LINGO2: variants seen among roughly 807,000 people sequenced by gnomAD.
LINGO2 encodes leucine-rich repeat and immunoglobulin-like domain-containing nogo receptor-interacting protein 2.
In LINGO2, 14 loss-of-function variants were observed where a neutral mutation model predicts 30.6. The observed-to-expected ratio is 0.46, with a 90% CI of 0.30 to 0.72. The LOEUF is 0.72. LINGO2 is among the 30% of genes least tolerant of loss of function. The pLI is 0.07. For synonymous variants in LINGO2, 317 were observed against 288.5 expected, an observed-to-expected ratio of 1.10 and a Z score of -1.00; for missense variants, 729 against 751.7, an observed-to-expected ratio of 0.97 and a Z score of 0.35.
intron 1 of LINGO2, among the ~76,000 whole-genome samples, chr9:28,476,432 C>G (rs1322708881): frequency 6.6e-6 from 1 of 152,076 alleles, no homozygotes; most frequent in South Asian, 2.1e-4. Context: ...CCCGCCACCA[C>G]GCCCGGCTAA....
intron 4 of LINGO2, among the ~76,000 whole-genome samples, chr9:28,077,875 A>T (rs1825670750): frequency 6.7e-6 from 1 of 148,954 alleles, no homozygotes; most frequent in Non-Finnish European, 1.5e-5. Flanking sequence ...ATTTTCAGTT[A>T]CTTGTCTTTG....
chr9:28,129,395 T>A lies in LINGO2; in HGVS notation c.-86-116990A>T, dbSNP rs933080526. 1.3e-5 allele frequency among the ~76,000 whole-genome samples: 2 copies of A among 152,190 alleles called. No individual in the cohort carries two copies. Among genetic ancestry groups the A allele is most frequent in the Non-Finnish European group, 2.9e-5 (2 of 68,018 alleles). On this transcript the variant is annotated intron_variant, in intron 4 of 5. Coordinates refer to ENST00000379992, the Ensembl canonical transcript of LINGO2. The surrounding 1 kb of genome is among the most constrained non-coding windows in gnomAD (Gnocchi z 4.0). ...CATAGCTCCTGAGAAGCTGAGGCCCTGACTCATTTTTCTAGCATGGCATTT... is the reference window on the plus strand; with the variant it reads ...CATAGCTCCTGAGAAGCTGAGGCCCAGACTCATTTTTCTAGCATGGCATTT...
At chr9:29,196,657 A>T in the LINGO2 span, among the ~76,000 whole-genome samples, 3 of 152,064 alleles carry the variant, frequency 2.0e-5, no homozygotes, top group African/African-American at 7.2e-5. Flanking sequence ...AAAGAAGCCT[A>T]TAGTCTAATT....
rs545357389 is a variant in LINGO2, at chr9:27,960,387, A to T, written c.-35-9681T>A. 1.7e-4 allele frequency among the ~76,000 whole-genome samples: 26 copies of T among 152,310 alleles called. No homozygotes were observed. The South Asian group carries it at 5.0e-3, about 29-fold the overall frequency. On this transcript the variant is annotated intron_variant, in intron 5 of 5. Coordinates refer to ENST00000379992, the Ensembl canonical transcript of LINGO2. ...GTGAACTGATAGCATTCGATAAAAC[A>T]TGACCTGAGAAGCATCTAAACAGAC...
intron 2 of LINGO2, among the ~76,000 whole-genome samples, chr9:28,467,193 T>G (rs1564218074): frequency 6.6e-6 from 1 of 151,850 alleles, no homozygotes; most frequent in Non-Finnish European, 1.5e-5. Flanking sequence ...GCCTGGCTAA[T>G]TTTTTGTATT....
rs575716999 is a variant in LINGO2, at chr9:28,052,900, T to C, written c.-86-40495A>G. On this transcript the variant is annotated intron_variant, in intron 4 of 5. Transcript: ENST00000379992. ...AATATCTAGATAATTGCTACTGTACTCCACATCTATGTGTACAAGTAAAAA... is the reference window on the plus strand; with the variant it reads ...AATATCTAGATAATTGCTACTGTACCCCACATCTATGTGTACAAGTAAAAA... Among the ~76,000 whole-genome samples, 3 of 152,258 alleles carry C rather than the reference T, an allele frequency of 2.0e-5. No homozygotes were observed. In the East Asian group the frequency reaches 5.8e-4, roughly 29 times the overall value.
the LINGO2 span, among the ~76,000 whole-genome samples, chr9:28,689,474 C>A: frequency 3.3e-5 from 5 of 151,980 alleles, no homozygotes; most frequent in Admixed American, 3.3e-4. Flanking sequence ...CATCATTAAT[C>A]ATTAGAGAAA....
At chr9:28,776,127 A>G in the LINGO2 span, among the ~76,000 whole-genome samples, 27 of 152,228 alleles carry the variant, frequency 1.8e-4, no homozygotes, top group Non-Finnish European at 3.8e-4. Context: ...TTTTGTTATA[A>G]GTCAAAATCT....
At chr9:28,477,498 T>A (rs1825776702) in intron 1 of LINGO2, among the ~76,000 whole-genome samples, 1 of 152,140 alleles carries the variant, frequency 6.6e-6, no homozygotes, top group African/African-American at 2.4e-5. Context: ...ATTCTCCATT[T>A]TCCTCATATA....
chr9:28,354,660 C>G (rs1035581476), intron 3 of LINGO2, among the ~76,000 whole-genome samples: 1 of 152,162 alleles, frequency 6.6e-6, no homozygotes. Context: ...AACACAACAA[C>G]CCTGTACACA....
intron 4 of LINGO2, among the ~76,000 whole-genome samples, chr9:28,280,652 T>C (rs573780612): frequency 5.9e-5 from 9 of 152,212 alleles, no homozygotes; most frequent in African/African-American, 1.7e-4. Context: ...TGGATATCAG[T>C]ATACTCTGAA....
chr9:28,216,717 T>C (rs1442040159), intron 4 of LINGO2, among the ~76,000 whole-genome samples: 1 of 151,926 alleles, frequency 6.6e-6, no homozygotes, highest in Non-Finnish European at 1.5e-5. Flanking sequence ...CAGCAAGGAC[T>C]TCCACTGGCA....
chr9:28,885,717 C>T, the LINGO2 span, among the ~76,000 whole-genome samples: 1 of 152,140 alleles, frequency 6.6e-6, no homozygotes, highest in African/African-American at 2.4e-5. Context: ...TTTCTAGTTG[C>T]CTAAGGTTCT....
chr9:28,595,831 C>A (rs1825148240), intron 1 of LINGO2, among the ~76,000 whole-genome samples: 1 of 152,030 alleles, frequency 6.6e-6, no homozygotes, highest in Non-Finnish European at 1.5e-5. Flanking sequence ...CATGTTTGTA[C>A]AAATTCTGGC....
chr9:28,497,220 G>A (rs1819669208), intron 1 of LINGO2, among the ~76,000 whole-genome samples: 1 of 152,104 alleles, frequency 6.6e-6, no homozygotes, highest in South Asian at 2.1e-4. Context: ...TGCTAGGTTG[G>A]GGAAGTTCTC....
rs756404655 is a variant in LINGO2 at position 28,207,870 on chromosome 9, TG to T, written c.-87+87337del. ...TTTGAAAACTGAAAGAGAAAGAGGG[TG>T]TTTTTTTTTTAAATGTTTTGCATGA... is the stretch of plus-strand genomic sequence containing the variant. On this transcript the variant is annotated intron_variant, in intron 4 of 5. Transcript: ENST00000379992. 1.7e-3 allele frequency among the ~76,000 whole-genome samples: 259 copies of T among 151,862 alleles called. 1 individual carries two copies. The highest frequency in any genetic ancestry group is 3.0e-3 in the Admixed American group (46 of 15,226).
chr9:28,614,776 AT>A (rs1422503686), intron 1 of LINGO2, among the ~76,000 whole-genome samples: 1 of 152,150 alleles, frequency 6.6e-6, no homozygotes, highest in Non-Finnish European at 1.5e-5. Flanking sequence ...CCTGCTTCTC[AT>A]ATTATAACCT....
the LINGO2 span, among the ~76,000 whole-genome samples, chr9:29,124,112 C>A: frequency 1.3e-5 from 2 of 152,114 alleles, no homozygotes; most frequent in African/African-American, 4.8e-5. Flanking sequence ...AACCACACAT[C>A]TACAACCATC....
chr9:28,156,293 A>C (rs930541872), intron 4 of LINGO2, among the ~76,000 whole-genome samples: 1 of 152,238 alleles, frequency 6.6e-6, no homozygotes, highest in Non-Finnish European at 1.5e-5. Flanking sequence ...TTTCAACAGA[A>C]ATGTGACATA....
Sources: gnomAD v4.1 joint callset for allele counts (sites outside exome capture counted in the v4.1 genomes callset) on GRCh38, gnomAD v4.1.1 for gene constraint, Gnocchi (gnomAD v3.1) non-coding constraint, MANE v1.5 for transcripts, NCBI Gene and HGNC (gene_info 2026-07-23, HGNC 2026-07-21) for gene names.